The following CSMD1 variants were observed in gnomAD, a reference collection of about 807,000 sequenced individuals.
CSMD1 encodes the protein CUB and sushi domain-containing protein 1.
A neutral mutation model predicts 417.5 loss-of-function variants in CSMD1; 213 were observed. The observed-to-expected ratio is 0.51, with a 90% CI of 0.46 to 0.57. CSMD1 has a LOEUF of 0.57. Ranked by LOEUF, CSMD1 falls within the 20% of genes least tolerant of loss-of-function variation. The pLI is 0.00. For synonymous variants in CSMD1, 2,862 were observed against 1,736.8 expected (o/e 1.65, Z -16.11); for missense variants, 6,923 against 4,529.7 (o/e 1.53, Z -15.17).
chr8:4,060,783 C>T (rs191047934), intron 3 of CSMD1, among the ~76,000 whole-genome samples: 1 of 151,952 alleles, frequency 6.6e-6, no homozygotes, highest in African/African-American at 2.4e-5. Context: ...CACACAGGAC[C>T]CTGAGATTAA....
At chr8:4,495,458 C>A (rs1801933188) in intron 2 of CSMD1, among the ~76,000 whole-genome samples, 1 of 151,918 alleles carries the variant, frequency 6.6e-6, no homozygotes, top group Admixed American at 6.6e-5. Context: ...GCCTGTAATC[C>A]CACCTACTCG....
At chr8:3,582,147 A>C (rs954693770) in intron 9 of CSMD1, among the ~76,000 whole-genome samples, 5 of 152,204 alleles carry the variant, frequency 3.3e-5, no homozygotes, top group African/African-American at 7.2e-5. Context: ...TGACAAATGA[A>C]CTTGGAAAAT....
At chr8:4,740,493 G>T (rs1005988606) in intron 1 of CSMD1, among the ~76,000 whole-genome samples, 1 of 152,074 alleles carries the variant, frequency 6.6e-6, no homozygotes, top group Non-Finnish European at 1.5e-5. Context: ...AAAGTGCAAT[G>T]GTAAATGACA....
At chr8:4,347,080 T>C (rs1198817032) in intron 3 of CSMD1, among the ~76,000 whole-genome samples, 1 of 152,052 alleles carries the variant, frequency 6.6e-6, no homozygotes, top group Non-Finnish European at 1.5e-5. Flanking sequence ...ATTTTTCTCC[T>C]ATTCTTTGAC....
intron 1 of CSMD1, among the ~76,000 whole-genome samples, chr8:4,969,812 G>A (rs902744789): frequency 6.6e-6 from 1 of 151,944 alleles, no homozygotes; most frequent in Non-Finnish European, 1.5e-5. Flanking sequence ...TAATTTAATT[G>A]TTTTTCTCAG....
chr8:4,734,212 T>C (rs970608421), intron 1 of CSMD1, among the ~76,000 whole-genome samples: 3 of 152,174 alleles, frequency 2.0e-5, no homozygotes, highest in Non-Finnish European at 2.9e-5. Context: ...TTCCCCTGCA[T>C]GGTATAAGGA....
intron 16 of CSMD1, among the ~76,000 whole-genome samples, chr8:3,398,237 T>C (rs1184786797): frequency 6.6e-6 from 1 of 152,168 alleles, no homozygotes; most frequent in Non-Finnish European, 1.5e-5. Flanking sequence ...TACCAGTAAG[T>C]GGAGAAATTA....
intron 8 of CSMD1, among the ~76,000 whole-genome samples, chr8:3,596,903 C>T (rs559360824): frequency 1.8e-3 from 275 of 152,304 alleles, no homozygotes; most frequent in Non-Finnish European, 2.9e-3. Context: ...ACAATGCAAG[C>T]GCTCAGCAAA....
intron 2 of CSMD1, among the ~76,000 whole-genome samples, chr8:4,573,071 T>G (rs1428288509): frequency 6.6e-6 from 1 of 152,166 alleles, no homozygotes; most frequent in Non-Finnish European, 1.5e-5. Flanking sequence ...AAACGCTCCT[T>G]TAGCTCAGAG....
chr8:4,910,265 TCA>T (rs141793418), intron 1 of CSMD1, among the ~76,000 whole-genome samples: 2,616 of 152,314 alleles, frequency 0.017, 76 homozygotes, highest in African/African-American at 0.059. Flanking sequence ...TATTATCTCA[TCA>T]CAGTGAACAG....
At chr8:4,239,873 C>T (rs1802286762) in intron 3 of CSMD1, among the ~76,000 whole-genome samples, 1 of 152,156 alleles carries the variant, frequency 6.6e-6, no homozygotes, top group Non-Finnish European at 1.5e-5. Flanking sequence ...AACAAAGTAT[C>T]CTTATCCTTT....
At chr8:4,799,183 C>G (rs1465904181) in intron 1 of CSMD1, among the ~76,000 whole-genome samples, 1 of 152,058 alleles carries the variant, frequency 6.6e-6, no homozygotes, top group Non-Finnish European at 1.5e-5. Context: ...ATGACAGGCA[C>G]TCACAAGGGA....
At chr8:3,095,625 A>AAC (rs923457874) in intron 47 of CSMD1, among the ~76,000 whole-genome samples, 1 of 152,196 alleles carries the variant, frequency 6.6e-6, no homozygotes, top group African/African-American at 2.4e-5. Context: ...AGTGAATACA[A>AAC]ACACACATCA....
intron 12 of CSMD1, among the ~76,000 whole-genome samples, chr8:3,425,319 G>T (rs1177653145): frequency 6.6e-6 from 1 of 152,196 alleles, no homozygotes; most frequent in Non-Finnish European, 1.5e-5. Context: ...GCTGGGCAAG[G>T]TGGCTCACGC....
intron 1 of CSMD1, among the ~76,000 whole-genome samples, chr8:4,810,315 C>T (rs28524662): frequency 0.059 from 8,833 of 150,602 alleles, 431 homozygotes; most frequent in East Asian, 0.23. Flanking sequence ...ATATGTTCCT[C>T]AACTTATTTT....
At chr8:4,028,287 T>A (rs1797167132) in intron 4 of CSMD1, among the ~76,000 whole-genome samples, 1 of 152,156 alleles carries the variant, frequency 6.6e-6, no homozygotes, top group African/African-American at 2.4e-5. Flanking sequence ...TCACTTTTCC[T>A]ACCTGAAGTC....
At chr8:3,969,742 C>A (rs997559257) in intron 5 of CSMD1, among the ~76,000 whole-genome samples, 1 of 151,034 alleles carries the variant, frequency 6.6e-6, no homozygotes, top group African/African-American at 2.4e-5. Context: ...TGTGTAGATG[C>A]CACAGAGGAA....
chr8:4,684,293 C>T (rs565951359), intron 1 of CSMD1, among the ~76,000 whole-genome samples: 4 of 152,250 alleles, frequency 2.6e-5, no homozygotes, highest in South Asian at 2.1e-4. Flanking sequence ...AAAATAGGAG[C>T]GCAGACTTGG....
chr8:3,202,271 G>C (rs1345516731), intron 31 of CSMD1, among the ~76,000 whole-genome samples: 1 of 152,292 alleles, frequency 6.6e-6, no homozygotes, highest in African/African-American at 2.4e-5. Flanking sequence ...ATGATGATTT[G>C]ATGAGGAATT....
Sources: gnomAD v4.1 joint callset for allele counts (sites outside exome capture counted in the v4.1 genomes callset) on GRCh38, gnomAD v4.1.1 for gene constraint, MANE v1.5 for transcripts, NCBI Gene and HGNC (gene_info 2026-07-23, HGNC 2026-07-21) for gene names.